UBR3: variants seen among roughly 807,000 people sequenced by gnomAD.
UBR3 encodes the protein E3 ubiquitin-protein ligase UBR3.
A neutral mutation model predicts 243.2 loss-of-function variants in UBR3; 85 were observed. That is an observed-to-expected ratio of 0.35 (90% CI 0.29 to 0.42). UBR3 has a LOEUF of 0.42. UBR3 is among the 10% of genes least tolerant of loss of function. The probability of loss-of-function intolerance (pLI) is 1.00; values close to 1 mark genes in which losing one functional copy is unlikely to be tolerated. For missense variants in UBR3, 1,686 were observed against 2,300.8 expected, an observed-to-expected ratio of 0.73 and a Z score of 5.47; for synonymous variants, 748 against 799.8, an observed-to-expected ratio of 0.94 and a Z score of 1.09.
At chr2:170,044,925 T>C (rs1273155352) in intron 32 of UBR3, among the ~76,000 whole-genome samples, 2 of 152,192 alleles carry the variant, frequency 1.3e-5, no homozygotes, top group Non-Finnish European at 2.9e-5. Flanking sequence ...TCTCCTTAGA[T>C]GATTCACACA....
chr2:169,851,553 A>G (rs369588595), intron 1 of UBR3, among the ~76,000 whole-genome samples: 5 of 152,186 alleles, frequency 3.3e-5, no homozygotes, highest in African/African-American at 1.2e-4. Context: ...GTTAAAGATA[A>G]TAGAGAATCT....
At chr2:169,842,880 A>AT (rs1559008707) in intron 1 of UBR3, among the ~76,000 whole-genome samples, 4 of 152,118 alleles carry the variant, frequency 2.6e-5, no homozygotes, top group East Asian at 1.9e-4. Flanking sequence ...AATTCAGCCA[A>AT]TTTTTTTGCC....
chr2:169,848,411 G>T (rs2082555391), intron 1 of UBR3, among the ~76,000 whole-genome samples: 1 of 150,736 alleles, frequency 6.6e-6, no homozygotes, highest in Non-Finnish European at 1.5e-5. Context: ...GTATTGCCTG[G>T]CTTCTCTTGC....
Position 169,841,497 on chromosome 2 carries a change from G to A in UBR3, c.545+13445G>A, listed in dbSNP as rs528491644. Among the ~76,000 whole-genome samples the A allele has an allele frequency of 4.3e-3, 651 of 152,312 alleles. 1 individual carries two copies. The highest frequency in any genetic ancestry group is 9.1e-3 in the South Asian group (44 of 4,830). On this transcript the variant is annotated intron_variant, in intron 1 of 38. Transcript: ENST00000272793. ...GCCCCTTTCTGGGCTGGCCAAGGCT[G>A]GAGCCCACTTCCTCAGCCTGCAGGG...
At chr2:169,946,435 CT>C (rs1486255764) in intron 21 of UBR3, 43 bp downstream of exon 21, 37 of 1,134,990 alleles carry the variant, frequency 3.3e-5, no homozygotes, top group Non-Finnish European at 4.4e-5. Flanking sequence ...TAGGCAGCCC[CT>C]ATCTGGCTCC....
intron 30 of UBR3, among the ~76,000 whole-genome samples, chr2:170,015,944 T>C (rs1188993308): frequency 6.6e-6 from 1 of 151,880 alleles, no homozygotes; most frequent in Non-Finnish European, 1.5e-5. Context: ...CATTTTTTAG[T>C]CATTGTTTAG....
chr2:169,976,597 C>T (rs1447705090), intron 24 of UBR3, among the ~76,000 whole-genome samples: 1 of 152,062 alleles, frequency 6.6e-6, no homozygotes, highest in African/African-American at 2.4e-5. Context: ...TTTTTACTGG[C>T]CTATAAGGTT....
At chr2:169,925,595 C>A (rs901105735) in intron 13 of UBR3, 24 bp from the exon 14 acceptor site, 3 of 1,525,596 alleles carry the variant, frequency 2.0e-6, no homozygotes, top group Non-Finnish European at 2.6e-6. Flanking sequence ...ATAATTTATT[C>A]TTTGTCCAAT....
At chr2:169,916,017 A>G (rs1226756770) in intron 11 of UBR3, among the ~76,000 whole-genome samples, 1 of 152,070 alleles carries the variant, frequency 6.6e-6, no homozygotes, top group Non-Finnish European at 1.5e-5. Context: ...CATTTCTGGA[A>G]TCAATCATTT....
At chr2:170,055,074 A>T (rs537756827) in intron 32 of UBR3, among the ~76,000 whole-genome samples, 33 of 152,246 alleles carry the variant, frequency 2.2e-4, no homozygotes, top group African/African-American at 7.5e-4. Flanking sequence ...CAGTGGGAGG[A>T]TTGCTTGAGC....
At chr2:169,920,566 C>G (rs1229488176) in intron 11 of UBR3, among the ~76,000 whole-genome samples, 5 of 152,170 alleles carry the variant, frequency 3.3e-5, no homozygotes, top group Non-Finnish European at 7.3e-5. Context: ...ATAGGAACTC[C>G]TGTCGCCTGC....
chr2:169,856,763 A>G (rs925159716), intron 1 of UBR3, among the ~76,000 whole-genome samples: 5 of 147,036 alleles, frequency 3.4e-5, no homozygotes, highest in African/African-American at 9.9e-5. Flanking sequence ...GGAGGTTGCA[A>G]TGAGCCAAGA....
chr2:169,854,737 C>A (rs1316649873), intron 1 of UBR3, among the ~76,000 whole-genome samples: 1 of 151,902 alleles, frequency 6.6e-6, no homozygotes, highest in Non-Finnish European at 1.5e-5. Flanking sequence ...TATTTCTAAT[C>A]TGAAATGAAT....
intron 23 of UBR3, among the ~76,000 whole-genome samples, chr2:169,955,523 G>A (rs1180034229): frequency 1.3e-5 from 2 of 151,882 alleles, no homozygotes; most frequent in Admixed American, 6.6e-5. Context: ...GCCAGGTGTC[G>A]TGACTCACAC....
At chr2:169,947,432 G>A (rs1386140555) in intron 21 of UBR3, 110 bp from the exon 22 acceptor site, 2 of 787,576 alleles carry the variant, frequency 2.5e-6, no homozygotes, top group Non-Finnish European at 3.5e-6. Context: ...GACAATAAGG[G>A]ATTCAGGATT....
At chr2:169,889,631 C>T (rs1331770432) in intron 5 of UBR3, among the ~76,000 whole-genome samples, 2 of 152,108 alleles carry the variant, frequency 1.3e-5, no homozygotes, top group African/African-American at 4.8e-5. Context: ...ACTGTTAGTT[C>T]TGTTGCCTGG....
intron 13 of UBR3, 119 bp from the exon 14 acceptor site, chr2:169,925,500 G>A: frequency 1.1e-6 from 1 of 876,196 alleles, no homozygotes; most frequent in Non-Finnish European, 1.6e-6. Flanking sequence ...TTTAACATTG[G>A]ACAGAATATC....
chr2:170,034,831 A>G (rs2090781375), intron 31 of UBR3, among the ~76,000 whole-genome samples: 1 of 151,980 alleles, frequency 6.6e-6, no homozygotes, highest in Admixed American at 6.6e-5. Context: ...CTTTGTCAAC[A>G]TTTGGTATTA....
At chr2:170,033,576 C>CA (rs2090739032) in intron 31 of UBR3, among the ~76,000 whole-genome samples, 1 of 23,162 alleles carries the variant, frequency 4.3e-5, no homozygotes, top group African/African-American at 1.8e-4. Context: ...GGTTTTTCCA[C>CA]ACCCACCCCC....
Sources: allele counts gnomAD v4.1 joint callset (sites outside exome capture counted in the v4.1 genomes callset), GRCh38; gene constraint gnomAD v4.1.1; transcripts MANE v1.5; gene names NCBI Gene and HGNC (gene_info 2026-07-23, HGNC 2026-07-21).